ZNF451: variants seen among roughly 807,000 people sequenced by gnomAD.
ZNF451 encodes the protein E3 SUMO-protein ligase ZNF451.
ZNF451 carries 80 observed loss-of-function variants against 107.1 expected under a neutral mutation model. The ratio of observed to expected loss-of-function variants is 0.75; its 90% CI spans 0.62 to 0.90. The LOEUF (loss-of-function observed/expected upper bound fraction) is 0.90. ZNF451 is among the 40% of genes least tolerant of loss of function. The probability of loss-of-function intolerance (pLI) is 0.00; values close to 1 mark genes in which losing one functional copy is unlikely to be tolerated. For synonymous variants in ZNF451, 362 were observed against 406.5 expected, an observed-to-expected ratio of 0.89 and a Z score of 1.32; for missense variants, 1,107 against 1,236.2, an observed-to-expected ratio of 0.90 and a Z score of 1.57.
At chr6:57,108,530 C>T (rs1212657199) in intron 3 of ZNF451, 6 of 985,012 alleles carry the variant, frequency 6.1e-6, no homozygotes. Context: ...TTTTTTTTTA[C>T]ATATTTAATT....
At chr6:57,144,305 A>G (rs965396699) in intron 9 of ZNF451, among the ~76,000 whole-genome samples, 14 of 141,392 alleles carry the variant, frequency 9.9e-5, no homozygotes, top group African/African-American at 2.7e-4. Flanking sequence ...CAATGGTGCA[A>G]TCTCGGCTCA....
At chr6:57,166,824 G>A (rs1383581087) in intron 14 of ZNF451, among the ~76,000 whole-genome samples, 1 of 152,120 alleles carries the variant, frequency 6.6e-6, no homozygotes, top group Non-Finnish European at 1.5e-5. Flanking sequence ...ACATGAAGAT[G>A]GCTATGACAT....
At chr6:57,108,254 C>G in intron 3 of ZNF451, 1 of 985,430 alleles carries the variant, frequency 1.0e-6, no homozygotes, top group Non-Finnish European at 1.2e-6. Context: ...GCTCCATGAG[C>G]TATCATAGTA....
chr6:57,124,910 T>A, intron 4 of ZNF451, 51 bp downstream of exon 4: 15 of 1,246,322 alleles, frequency 1.2e-5, no homozygotes, highest in Non-Finnish European at 1.6e-5. Flanking sequence ...TTATTTATAA[T>A]AAAGTTGGTA....
intron 3 of ZNF451, chr6:57,103,512 C>T: frequency 1.0e-6 from 1 of 985,360 alleles, no homozygotes; most frequent in East Asian, 1.1e-4. Flanking sequence ...TCTCTTTAGA[C>T]TCAAGGTAGT....
chr6:57,154,390 A>T lies in ZNF451; in HGVS notation c.3070+343A>T, dbSNP rs1281149094. 3 of 427,610 alleles carry T rather than the reference A, an allele frequency of 7.0e-6. No individual in the cohort carries two copies. In the East Asian group the frequency reaches 1.1e-4, roughly 16 times the overall value. 26.5% of individuals were successfully genotyped at this position (427,610 alleles called of 1,614,324 possible). A position where few individuals can be genotyped will look rare whatever the true frequency, so the allele number is the denominator to read the frequency against. ...ACTTTGTTTCTGAAATTCCAAGTTG[A>T]CCTTCAGTTTTTTAGAAAGCAGTGC... is the stretch of plus-strand genomic sequence containing the variant. On this transcript the variant is annotated intron_variant, in intron 13 of 14. Transcript: ENST00000370706.
At chr6:57,145,158 G>T (rs951382432) in intron 9 of ZNF451, among the ~76,000 whole-genome samples, 1 of 151,984 alleles carries the variant, frequency 6.6e-6, no homozygotes, top group African/African-American at 2.4e-5. Context: ...AGACACAGTT[G>T]TTCTATTTTT....
In ZNF451 at chr6:57,168,404, T is replaced by C. The variant is rs1453737659; in HGVS notation, c.3140-19T>C. Reference sequence around the variant, plus strand: ...AGTTTTCTGCCCTAAGTGTTAAAATTCTATGTTTTTTAATGCAGATGTGGA... The same window carrying C: ...AGTTTTCTGCCCTAAGTGTTAAAATCCTATGTTTTTTAATGCAGATGTGGA... On this transcript the variant is annotated intron_variant, in intron 14 of 14. Transcript: ENST00000370706. The C allele has an allele frequency of 6.3e-7, 1 of 1,582,396 alleles. No individual in the cohort carries two copies. Among genetic ancestry groups the C allele is most frequent in the Non-Finnish European group, 8.7e-7 (1 of 1,155,868 alleles).
At chr6:57,104,974 G>A in intron 3 of ZNF451, 1 of 984,060 alleles carries the variant, frequency 1.0e-6, no homozygotes, top group Non-Finnish European at 1.2e-6. Context: ...TTTCTTGATT[G>A]CAAAAGAAAT....
At chr6:57,117,907 G>T (rs1023416756) in intron 3 of ZNF451, among the ~76,000 whole-genome samples, 3 of 152,080 alleles carry the variant, frequency 2.0e-5, no homozygotes, top group African/African-American at 7.2e-5. Flanking sequence ...CCCGAGTTAG[G>T]ATTACCTAAA....
At chr6:57,118,632 G>A (rs953230921) in intron 3 of ZNF451, among the ~76,000 whole-genome samples, 9 of 151,676 alleles carry the variant, frequency 5.9e-5, no homozygotes, top group Non-Finnish European at 1.0e-4. Context: ...ATAGGCACAT[G>A]CCACCACACC....
intron 12 of ZNF451, 42 bp downstream of exon 12, chr6:57,152,393 C>T: frequency 6.2e-7 from 1 of 1,609,770 alleles, no homozygotes; most frequent in Admixed American, 1.7e-5. Flanking sequence ...GAATCTCAGA[C>T]CCACTTGCAT....
chr6:57,092,905 T>C (rs1192480221), intron 2 of ZNF451: 1 of 152,170 alleles, frequency 6.6e-6, no homozygotes, highest in Non-Finnish European at 1.5e-5. Flanking sequence ...ATGGGCCCTC[T>C]CATTTAAATT....
chr6:57,091,958 A>G (rs1829068259), intron 2 of ZNF451, among the ~76,000 whole-genome samples: 1 of 152,112 alleles, frequency 6.6e-6, no homozygotes, highest in Admixed American at 6.5e-5. Flanking sequence ...TCCCTTTACC[A>G]GTGTATGTTG....
At chr6:57,095,235 C>T (rs1829233550) in intron 2 of ZNF451, among the ~76,000 whole-genome samples, 1 of 151,758 alleles carries the variant, frequency 6.6e-6, no homozygotes, top group Non-Finnish European at 1.5e-5. Flanking sequence ...TCTCATTCTA[C>T]TCTGTCACTT....
rs398001706 is a variant in ZNF451 at position 57,163,436 on chromosome 6, C to CTTTTTTTTTT, written c.3139+2307_3139+2316dup. Reference sequence around the variant, plus strand: ...AATGGTTGCTTGTTAAATGAATAAACTTTTTTTTTTTTTTTTTTTTTTTTT... The same window carrying CTTTTTTTTTT: ...AATGGTTGCTTGTTAAATGAATAAACTTTTTTTTTTTTTTTTTTTTTTTTTTTTTTTTTTT... On this transcript the variant is annotated intron_variant, in intron 14 of 14. Transcript: ENST00000370706. Among the ~76,000 whole-genome samples the CTTTTTTTTTT allele has an allele frequency of 7.6e-3, 232 of 30,340 alleles. 74 individuals carry two copies. Among genetic ancestry groups the CTTTTTTTTTT allele is most frequent in the Non-Finnish European group, 9.5e-3 (156 of 16,452 alleles). The allele number at this position is 30,340 out of a possible 152,430, so 19.9% of individuals were successfully genotyped here.
intron 3 of ZNF451, chr6:57,109,481 C>G (rs1830017029): frequency 2.0e-6 from 2 of 985,284 alleles, no homozygotes; most frequent in Non-Finnish European, 2.4e-6. Flanking sequence ...AGTACTTTGA[C>G]AACACACTAA....
intron 3 of ZNF451, 121 bp from the exon 4 acceptor site, chr6:57,124,613 A>G: frequency 1.3e-6 from 1 of 774,000 alleles, no homozygotes; most frequent in Non-Finnish European, 2.2e-6. Flanking sequence ...TACAATACAC[A>G]AAATAGGTTC....
intron 10 of ZNF451, among the ~76,000 whole-genome samples, chr6:57,149,432 A>G (rs1832242448): frequency 6.6e-6 from 1 of 152,080 alleles, no homozygotes; most frequent in Non-Finnish European, 1.5e-5. Context: ...TTTTTTTGAG[A>G]TGGGATTTTA....
Sources: allele counts gnomAD v4.1 joint callset (sites outside exome capture counted in the v4.1 genomes callset), GRCh38; gene constraint gnomAD v4.1.1; transcripts MANE v1.5; gene names NCBI Gene and HGNC (gene_info 2026-07-23, HGNC 2026-07-21).